The following RICTOR variants were observed in gnomAD, a reference collection of about 807,000 sequenced individuals.
RICTOR encodes the protein RPTOR independent companion of MTOR complex 2, also known as rapamycin-insensitive companion of mTOR.
A neutral mutation model predicts 214.9 loss-of-function variants in RICTOR; 49 were observed. The ratio of observed to expected loss-of-function variants is 0.23; its 90% CI spans 0.18 to 0.29. The LOEUF is 0.29. Ranked by LOEUF, RICTOR falls within the 10% of genes least tolerant of loss-of-function variation. The pLI is 1.00. For synonymous variants in RICTOR, 717 were observed against 711.3 expected (o/e 1.01, Z -0.13); for missense variants, 1,625 against 2,047.0 (o/e 0.79, Z 3.98).
intron 2 of RICTOR, among the ~76,000 whole-genome samples, chr5:39,028,099 C>T (rs1186120386): frequency 6.7e-6 from 1 of 150,326 alleles, no homozygotes; most frequent in Non-Finnish European, 1.5e-5. Flanking sequence ...AGTACCATTA[C>T]ACACTTATAA....
chr5:39,039,205 A>G (rs556137029), intron 2 of RICTOR, among the ~76,000 whole-genome samples: 1 of 152,348 alleles, frequency 6.6e-6, no homozygotes, highest in South Asian at 2.1e-4. Flanking sequence ...GACAAAAACA[A>G]GAAATGGGGA....
intron 9 of RICTOR, among the ~76,000 whole-genome samples, chr5:38,976,903 G>C (rs1751276339): frequency 6.6e-6 from 1 of 152,178 alleles, no homozygotes; most frequent in African/African-American, 2.4e-5. Context: ...TCCATGACCT[G>C]ATCTCTGGGT....
intron 29 of RICTOR, 48 bp from the exon 30 acceptor site, chr5:38,952,473 T>C: frequency 7.9e-7 from 1 of 1,272,178 alleles, no homozygotes; most frequent in Non-Finnish European, 1.1e-6. Context: ...CAAGCTGAGA[T>C]TTCTTAAAGC....
chr5:38,972,080 T>C (rs1750833963), intron 10 of RICTOR, 121 bp from the exon 11 acceptor site: 1 of 561,736 alleles, frequency 1.8e-6, no homozygotes, highest in South Asian at 2.5e-5. Flanking sequence ...ATGATACTAT[T>C]TGGTCATCAT....
At chr5:39,010,400 T>G (rs770300772) in intron 3 of RICTOR, among the ~76,000 whole-genome samples, 13 of 152,294 alleles carry the variant, frequency 8.5e-5, no homozygotes, top group Non-Finnish European at 1.6e-4. Flanking sequence ...GAGAACAGAC[T>G]AACACAGTAA....
intron 31 of RICTOR, 175 bp downstream of exon 31, chr5:38,949,537 G>C: frequency 9.1e-7 from 1 of 1,102,702 alleles, no homozygotes; most frequent in Non-Finnish European, 1.3e-6. Context: ...CCTCGCAGCT[G>C]CAAGAATCCA....
intron 5 of RICTOR, among the ~76,000 whole-genome samples, chr5:39,000,446 T>C (rs1753527683): frequency 6.6e-6 from 1 of 151,876 alleles, no homozygotes; most frequent in East Asian, 1.9e-4. Flanking sequence ...AAGTTACATA[T>C]AAAGAGAACA....
At chr5:38,955,526 A>G in intron 26 of RICTOR, 69 bp downstream of exon 26, 1 of 868,176 alleles carries the variant, frequency 1.2e-6, no homozygotes. Flanking sequence ...AGCAGAATAT[A>G]CAAAAACTCA....
At chr5:38,977,880 A>G (rs1751375456) in intron 9 of RICTOR, among the ~76,000 whole-genome samples, 1 of 151,902 alleles carries the variant, frequency 6.6e-6, no homozygotes, top group South Asian at 2.1e-4. Context: ...ACTATTTTTA[A>G]CTCAGGGGAA....
intron 29 of RICTOR, 117 bp downstream of exon 29, chr5:38,952,868 G>C (rs989427305): frequency 6.6e-6 from 4 of 610,454 alleles, no homozygotes; most frequent in South Asian, 2.2e-5. Flanking sequence ...TGTATCATTA[G>C]AACTTTCAGT....
rs1462803936 is a variant in RICTOR, at chr5:38,990,812, T to TATATGAG, written c.583+130_583+136dup. The stretch of plus-strand genomic sequence containing the variant: ...TATGAGATATATGATATATATGAGA[T>TATATGAG]ATATGAGATATATGATATATGAGAT... On this transcript the variant is annotated intron_variant, in intron 7 of 37. Transcript: ENST00000357387. 1.5e-4 allele frequency: 25 copies of TATATGAG among 162,146 alleles called. 1 individual carries two copies. The highest frequency in any genetic ancestry group is 2.5e-4 in the Admixed American group (2 of 7,966). The allele number at this position is 162,146 out of a possible 1,614,324, so 10.0% of individuals were successfully genotyped here. A position where few individuals can be genotyped will look rare whatever the true frequency, so the allele number is the denominator to read the frequency against.
Position 39,028,175 on chromosome 5 carries a change from CTTTTTTTTTTTTT to C in RICTOR, c.98-7052_98-7040del, listed in dbSNP as rs70982535. Among the ~76,000 whole-genome samples the C allele has an allele frequency of 2.0e-4, 16 of 78,436 alleles. 1 individual carries two copies. The highest frequency in any genetic ancestry group is 6.7e-4 in the African/African-American group (13 of 19,394). 51.5% of individuals were successfully genotyped at this position (78,436 alleles called of 152,430 possible). ...GAGAGGCCATGGAGCAACTGGAATT[CTTTTTTTTTTTTT>C]TTTTTTTTTTTTGAGACGGAGTCTC... On this transcript the variant is annotated intron_variant, in intron 2 of 37. Transcript: ENST00000357387.
chr5:39,001,868 G>A (rs752632362), intron 5 of RICTOR, among the ~76,000 whole-genome samples: 14 of 152,150 alleles, frequency 9.2e-5, no homozygotes, highest in East Asian at 1.9e-4. Flanking sequence ...ATGGGGACAC[G>A]GGGAGACTGA....
At chr5:38,954,570 T>C (rs1246933737) in intron 27 of RICTOR, 1 of 464,296 alleles carries the variant, frequency 2.2e-6, no homozygotes, top group East Asian at 3.8e-5. Context: ...AGTCAGTTAA[T>C]GCATTGCAAG....
chr5:38,985,508 T>G (rs1377701939), intron 7 of RICTOR, among the ~76,000 whole-genome samples: 1 of 152,182 alleles, frequency 6.6e-6, no homozygotes, highest in East Asian at 1.9e-4. Flanking sequence ...TTTTATTGGA[T>G]TGTTCTGGCA....
At chr5:39,055,217 T>TC (rs1473777278) in intron 2 of RICTOR, among the ~76,000 whole-genome samples, 1 of 152,110 alleles carries the variant, frequency 6.6e-6, no homozygotes, top group Non-Finnish European at 1.5e-5. Context: ...ATTACTTGTC[T>TC]CCCTGTCTCT....
In RICTOR at chr5:38,994,114, C is replaced by T. The variant is rs189241625; in HGVS notation, c.456+2705G>A. Among the ~76,000 whole-genome samples the T allele has an allele frequency of 3.5e-3, 538 of 151,908 alleles. 2 individuals carry two copies. The highest frequency in any genetic ancestry group is 5.8e-3 in the Admixed American group (88 of 15,244). On this transcript the variant is annotated intron_variant, in intron 6 of 37. Coordinates refer to ENST00000357387, the MANE Select transcript of RICTOR (RefSeq NM_152756.5). ...CTGAGGCAGGAGAATGGCTTGAACC[C>T]GGGAGGTGGAGCTTGCAGTGAGCCG...
chr5:38,984,824 G>A (rs1388546199), intron 7 of RICTOR, among the ~76,000 whole-genome samples: 3 of 151,972 alleles, frequency 2.0e-5, no homozygotes, highest in Non-Finnish European at 4.4e-5. Context: ...TGTTGTTGGT[G>A]GTGGTGGTGT....
intron 2 of RICTOR, among the ~76,000 whole-genome samples, chr5:39,038,744 A>T (rs1204138475): frequency 6.9e-6 from 1 of 145,800 alleles, no homozygotes; most frequent in Non-Finnish European, 1.5e-5. Context: ...AAATACCTAG[A>T]AATCCAACTT....
Sources: gnomAD v4.1 joint callset for allele counts (sites outside exome capture counted in the v4.1 genomes callset) on GRCh38, gnomAD v4.1.1 for gene constraint, MANE v1.5 for transcripts, NCBI Gene and HGNC (gene_info 2026-07-23, HGNC 2026-07-21) for gene names.